ANK3: variants seen among roughly 807,000 people sequenced by gnomAD.
The protein encoded by ANK3 is ankyrin 3, also known as ankyrin-3.
A neutral mutation model predicts 370.9 loss-of-function variants in ANK3; 57 were observed. The ratio of observed to expected loss-of-function variants is 0.15; its 90% CI spans 0.12 to 0.19. The LOEUF (loss-of-function observed/expected upper bound fraction) is 0.19, where lower values mean the gene tolerates loss of function less well. ANK3 is among the 10% of genes least tolerant of loss of function. The probability of loss-of-function intolerance (pLI) is 1.00; values close to 1 mark genes in which losing one functional copy is unlikely to be tolerated. For synonymous variants in ANK3, 1,929 were observed against 1,946.3 expected (o/e 0.99, Z 0.23); for missense variants, 4,439 against 5,302.1 (o/e 0.84, Z 5.06).
chr10:60,248,524 T>C (rs2097590231), intron 7 of ANK3, among the ~76,000 whole-genome samples: 1 of 151,816 alleles, frequency 6.6e-6, no homozygotes, highest in Non-Finnish European at 1.5e-5. Context: ...AAAAGAGTTC[T>C]GCTACAAAAA....
chr10:60,695,564 G>A (rs2079434584), intron 1 of ANK3, among the ~76,000 whole-genome samples: 1 of 152,182 alleles, frequency 6.6e-6, no homozygotes, highest in Non-Finnish European at 1.5e-5. Flanking sequence ...TCAGACCACA[G>A]TGCAATCAAA....
At chr10:60,256,906 C>T (rs1348720247) in intron 7 of ANK3, among the ~76,000 whole-genome samples, 1 of 152,180 alleles carries the variant, frequency 6.6e-6, no homozygotes, top group African/African-American at 2.4e-5. Context: ...TGTGTCTTTG[C>T]TATCATAAAT....
chr10:60,383,424 T>C (rs980687239), intron 1 of ANK3, among the ~76,000 whole-genome samples: 4 of 152,144 alleles, frequency 2.6e-5, no homozygotes, highest in Non-Finnish European at 5.9e-5. Context: ...ACTAAATAAC[T>C]TCCCCAAGGT....
Position 60,190,588 on chromosome 10 carries a change from G to A in ANK3, c.1888-3676C>T, listed in dbSNP as rs180862490. Among the ~76,000 whole-genome samples the A allele has an allele frequency of 4.1e-3, 628 of 152,326 alleles. 5 individuals are homozygous for A. The highest frequency in any genetic ancestry group is 0.01 in the Middle Eastern group (3 of 294). ...GTGGTTTGGTGGAACTTCTGGGAAA[G>A]CCTTGTTGTGCTGACTTTCTTGCTG... On this transcript the variant is annotated intron_variant, in intron 16 of 43. Transcript: ENST00000280772.
At chr10:60,282,780 C>T (rs568219616) in intron 1 of ANK3, among the ~76,000 whole-genome samples, 4 of 152,212 alleles carry the variant, frequency 2.6e-5, no homozygotes, top group East Asian at 1.9e-4. Flanking sequence ...GGCCCTGTTA[C>T]GTATCAACAT....
Position 60,068,919 on chromosome 10 carries a change from G to C in ANK3, c.11962C>G (p.Gln3988Glu), listed in dbSNP as rs776774073. ...TSCTVKVRKS[Q>E]LKEVCKHSIE... ...GAATGTTTACATACTTCCTTGAGCT[G>C]ACTTTTCCTAACTTTAACTGTGCAG... Residue 3988 changes from glutamine to glutamate, a missense_variant, in exon 37 of 44, where the codon CAG (glutamine) becomes GAG (glutamate). Around this residue, in one of 13 missense-constraint regions of ANK3, gnomAD observed 496 missense variants for 529.3 expected, o/e 0.94. Coordinates refer to ENST00000280772, the MANE Select transcript of ANK3 (RefSeq NM_020987.5). 1.2e-6 allele frequency: 2 copies of C among 1,614,116 alleles called. No individual in the cohort carries two copies. The highest frequency in any genetic ancestry group is 1.7e-6 in the Non-Finnish European group (2 of 1,180,016).
At chr10:60,134,426 T>A in intron 24 of ANK3, 53 bp from the exon 25 acceptor site, 2 of 1,384,164 alleles carry the variant, frequency 1.4e-6, no homozygotes, top group Admixed American at 2.3e-5. Flanking sequence ...ATGAGATGAA[T>A]AAAAAAAAAT....
chr10:60,615,140 C>G, intron 2 of ANK3: 2 of 1,253,728 alleles, frequency 1.6e-6, no homozygotes, highest in African/African-American at 3.1e-5. Context: ...GAAACTTGTC[C>G]ACACAAAATA....
At chr10:60,034,550 C>T (rs2074479048) in intron 43 of ANK3, among the ~76,000 whole-genome samples, 1 of 152,214 alleles carries the variant, frequency 6.6e-6, no homozygotes, top group Non-Finnish European at 1.5e-5. Flanking sequence ...TTGTATCCAC[C>T]TATACTTGCC....
At chr10:60,164,831 T>C (rs2095583579) in intron 23 of ANK3, among the ~76,000 whole-genome samples, 1 of 152,182 alleles carries the variant, frequency 6.6e-6, no homozygotes, top group East Asian at 1.9e-4. Context: ...CTTTTCAACA[T>C]TAAATTCGGC....
At chr10:60,355,240 A>G (rs2057541319) in intron 1 of ANK3, among the ~76,000 whole-genome samples, 1 of 152,240 alleles carries the variant, frequency 6.6e-6, no homozygotes, top group South Asian at 2.1e-4. Flanking sequence ...TTACAAACCA[A>G]CAAATGAAAA....
chr10:60,226,490 C>CATATACTATAGTATATATACTATGTAT, intron 8 of ANK3, among the ~76,000 whole-genome samples: 1 of 63,412 alleles, frequency 1.6e-5, no homozygotes, highest in South Asian at 3.9e-4. Context: ...TATATATATA[C>CATATACTATAGTATATATACTATGTAT]ATATACTATA....
intron 8 of ANK3, among the ~76,000 whole-genome samples, chr10:60,214,674 C>T (rs1214318005): frequency 2.0e-5 from 3 of 152,106 alleles, no homozygotes; most frequent in East Asian, 1.9e-4. Context: ...ATCCATGTCC[C>T]GGCGAAGGAC....
At chr10:60,453,841 T>C (rs1339074324) in intron 2 of ANK3, among the ~76,000 whole-genome samples, 4 of 152,228 alleles carry the variant, frequency 2.6e-5, no homozygotes, top group African/African-American at 9.6e-5. Flanking sequence ...TATGCCTAAA[T>C]ATTAGCAATC....
At chr10:60,718,152 T>C (rs1287195999) in intron 1 of ANK3, among the ~76,000 whole-genome samples, 4 of 152,246 alleles carry the variant, frequency 2.6e-5, no homozygotes, top group Non-Finnish European at 4.4e-5. Flanking sequence ...TGTTTGGTTG[T>C]AGTTTGTTTA....
chr10:60,123,409 C>A (rs1339630331), intron 25 of ANK3, among the ~76,000 whole-genome samples: 2 of 152,168 alleles, frequency 1.3e-5, no homozygotes, highest in African/African-American at 4.8e-5. Context: ...CAAGTACACA[C>A]TGGCCTTACA....
chr10:60,635,255 T>G (rs754777190), intron 1 of ANK3, among the ~76,000 whole-genome samples: 16 of 152,216 alleles, frequency 1.1e-4, no homozygotes, highest in Non-Finnish European at 2.4e-4. Flanking sequence ...TCTTTTTACC[T>G]ATCTGTAGAG....
At position 60,074,184 on chromosome 10, in the gene ANK3, C is replaced by T; in HGVS notation, c.6697G>A (p.Val2233Ile). The T allele has an allele frequency of 1.2e-6, 2 of 1,614,098 alleles. No homozygotes were observed. The highest frequency in any genetic ancestry group is 1.7e-6 in the Non-Finnish European group (2 of 1,179,992). ...TTAACACGCATGCCTTTGCTTAAAACCCGATTGTGGTCATCTTCTTCACTA... is the reference window on the plus strand; with the variant it reads ...TTAACACGCATGCCTTTGCTTAAAATCCGATTGTGGTCATCTTCTTCACTA... Reference protein sequence around the residue: ...ASSEEDDHNRVLSKGMRVKEE... With the variant: ...ASSEEDDHNRILSKGMRVKEE... The change falls in exon 37 of 44, where the codon GTT (valine) becomes ATT (isoleucine). Residue 2233 changes from valine to isoleucine, a missense_variant. Val to Ile is a conservative substitution (Grantham distance 29). Coordinates refer to ENST00000280772, the MANE Select transcript of ANK3 (RefSeq NM_020987.5).
At chr10:60,425,121 A>G (rs1000343734) in intron 2 of ANK3, among the ~76,000 whole-genome samples, 1 of 152,034 alleles carries the variant, frequency 6.6e-6, no homozygotes, top group Non-Finnish European at 1.5e-5. Context: ...AGTGACAAAA[A>G]GGGAAGCTGG....
Sources: allele counts gnomAD v4.1 joint callset (sites outside exome capture counted in the v4.1 genomes callset), GRCh38; gene constraint gnomAD v4.1.1; regional missense constraint gnomAD v4.1.1; transcripts MANE v1.5; gene names NCBI Gene and HGNC (gene_info 2026-07-23, HGNC 2026-07-21).